HTR2C: variants seen among roughly 807,000 people sequenced by gnomAD.
HTR2C encodes 5-hydroxytryptamine receptor 2C, also known as 5-hydroxytryptamine (serotonin) receptor 2C, G protein-coupled.
A neutral mutation model predicts 21.0 loss-of-function variants in HTR2C; 5 were observed. That is an observed-to-expected ratio of 0.24 (90% confidence interval 0.12 to 0.50). The LOEUF is 0.50. HTR2C is among the 20% of genes least tolerant of loss of function. HTR2C has a pLI of 0.98. For missense variants in HTR2C, 271 were observed against 371.2 expected, an observed-to-expected ratio of 0.73 and a Z score of 2.22; for synonymous variants, 150 against 145.3, an observed-to-expected ratio of 1.03 and a Z score of -0.23.
At chrX:114,776,338 C>A in intron 4 of HTR2C, 1 of 715,315 alleles carries the variant, frequency 1.4e-6, no homozygotes, top group East Asian at 3.2e-5. Flanking sequence ...AGTAAGCTGG[C>A]ACTGTGACCA....
intron 5 of HTR2C, among the ~76,000 whole-genome samples, chrX:114,867,839 C>G (rs1417247396): frequency 9.1e-6 from 1 of 110,440 alleles, no homozygotes; most frequent in Non-Finnish European, 1.9e-5. Flanking sequence ...CGTTTCTGGT[C>G]TCTGTATTCT....
chrX:114,686,824 A>G (rs1556414324), intron 2 of HTR2C, among the ~76,000 whole-genome samples: 3 of 111,611 alleles, frequency 2.7e-5, no homozygotes, highest in Admixed American at 1.9e-4. Flanking sequence ...AAATAAAAAT[A>G]GCAAAATTTT....
At chrX:114,756,933 A>G (rs2069819593) in intron 4 of HTR2C, among the ~76,000 whole-genome samples, 2 of 111,690 alleles carry the variant, frequency 1.8e-5, no homozygotes, top group South Asian at 7.5e-4. Flanking sequence ...AAAAATGTAT[A>G]TATAAGGCAT....
chrX:114,840,374 A>C (rs1246882655), intron 4 of HTR2C, among the ~76,000 whole-genome samples: 1 of 111,936 alleles, frequency 8.9e-6, no homozygotes, highest in Non-Finnish European at 1.9e-5. Context: ...ATAATATATG[A>C]AATATAAAAT....
intron 4 of HTR2C, among the ~76,000 whole-genome samples, chrX:114,755,554 A>G (rs2069803860): frequency 9.0e-6 from 1 of 111,384 alleles, no homozygotes; most frequent in Non-Finnish European, 1.9e-5. Flanking sequence ...TACATCATCC[A>G]GAATAATCTC....
intron 2 of HTR2C, among the ~76,000 whole-genome samples, chrX:114,637,429 T>C (rs1179824596): frequency 1.8e-5 from 2 of 112,074 alleles, no homozygotes; most frequent in East Asian, 5.6e-4. Context: ...GAAAAAAGCA[T>C]ATGGAATTGC....
chrX:114,652,413 A>C (rs1556408613), intron 2 of HTR2C, among the ~76,000 whole-genome samples: 1 of 110,971 alleles, frequency 9.0e-6, no homozygotes. Context: ...GCCTAGTCCA[A>C]AACATGAATA....
At chrX:114,701,723 C>T (rs782525647) in intron 2 of HTR2C, among the ~76,000 whole-genome samples, 38 of 112,389 alleles carry the variant, frequency 3.4e-4, no homozygotes, top group South Asian at 2.6e-3. Context: ...ATGACCTTGA[C>T]GAGTTGAGAG....
At chrX:114,702,325 C>T (rs1556416995) in intron 2 of HTR2C, among the ~76,000 whole-genome samples, 2 of 109,041 alleles carry the variant, frequency 1.8e-5, no homozygotes, top group South Asian at 8.3e-4. Flanking sequence ...GTCGGGTTAC[C>T]CACAAAGGGA....
intron 2 of HTR2C, among the ~76,000 whole-genome samples, chrX:114,644,770 G>A (rs1469908231): frequency 1.8e-5 from 2 of 109,939 alleles, no homozygotes; most frequent in Non-Finnish European, 3.8e-5. Context: ...TTAATGATTG[G>A]TGGTATCATA....
intron 3 of HTR2C, 44 bp downstream of exon 3, chrX:114,727,015 G>A: frequency 1.3e-6 from 1 of 772,879 alleles, no homozygotes. Context: ...AGATAACTTT[G>A]CTTGGTAGCT....
At chrX:114,806,089 C>A (rs973382343) in intron 4 of HTR2C, among the ~76,000 whole-genome samples, 4 of 98,579 alleles carry the variant, frequency 4.1e-5, no homozygotes, top group African/African-American at 1.5e-4. Context: ...ATATATATAC[C>A]ACATATATAC....
chrX:114,806,323 A>C (rs1028091815), intron 4 of HTR2C, among the ~76,000 whole-genome samples: 1 of 99,433 alleles, frequency 1.0e-5, no homozygotes, highest in Non-Finnish European at 2.0e-5. Context: ...CTACATATAT[A>C]CACCATATAT....
At chrX:114,790,191 T>G (rs782061776) in intron 4 of HTR2C, among the ~76,000 whole-genome samples, 2 of 111,885 alleles carry the variant, frequency 1.8e-5, no homozygotes, top group South Asian at 7.3e-4. Context: ...TGGAGTTAGA[T>G]GTCTGTCCTC....
intron 2 of HTR2C, among the ~76,000 whole-genome samples, chrX:114,700,542 T>C (rs1184078388): frequency 1.8e-5 from 2 of 112,394 alleles, no homozygotes; most frequent in Non-Finnish European, 3.8e-5. Flanking sequence ...TATTTTATGT[T>C]CATTTCAAGA....
rs1181888341 is a variant in HTR2C at position 114,749,260 on chromosome X, G to A, written c.349+17653G>A. Among the ~76,000 whole-genome samples, 3 of 108,091 alleles carry A rather than the reference G, an allele frequency of 2.8e-5. No homozygotes were observed. In the Admixed American group the frequency reaches 3.0e-4, roughly 11 times the overall value. The allele number at this position is 108,091 out of a possible 115,157, so 93.9% of individuals were successfully genotyped here. A position where few individuals can be genotyped will look rare whatever the true frequency, so the allele number is the denominator to read the frequency against. On this transcript the variant is annotated intron_variant, in intron 4 of 5. Coordinates refer to ENST00000276198, the MANE Select transcript of HTR2C (RefSeq NM_000868.4). ...GCCCAGGAGTTTGAGACCAGCCTGG[G>A]CAGCATGGCAAAACCCTGTCTCTAT...
chrX:114,835,736 C>T (rs1320379169), intron 4 of HTR2C, among the ~76,000 whole-genome samples: 4 of 112,167 alleles, frequency 3.6e-5, no homozygotes, highest in African/African-American at 1.3e-4. Flanking sequence ...CAGCTTTGTT[C>T]CATTGCTGGT....
intron 2 of HTR2C, among the ~76,000 whole-genome samples, chrX:114,614,571 A>G (rs1556399583): frequency 9.0e-6 from 1 of 110,955 alleles, no homozygotes; most frequent in Non-Finnish European, 1.9e-5. Flanking sequence ...GCTTTCAGTA[A>G]CAAACTCTTA....
intron 2 of HTR2C, among the ~76,000 whole-genome samples, chrX:114,713,067 C>G (rs1386694309): frequency 1.2e-4 from 13 of 111,226 alleles, no homozygotes; most frequent in Non-Finnish European, 2.3e-4. Flanking sequence ...AATCTAAAAG[C>G]ATATCTCATT....
Sources: allele counts gnomAD v4.1 joint callset (sites outside exome capture counted in the v4.1 genomes callset), GRCh38; gene constraint gnomAD v4.1.1; transcripts MANE v1.5; gene names NCBI Gene and HGNC (gene_info 2026-07-23, HGNC 2026-07-21).